Variants in GFOD1 observed in about 807,000 individuals in gnomAD.
GFOD1 encodes glucose-fructose oxidoreductase domain-containing protein 1.
GFOD1 carries 9 observed loss-of-function variants against 25.4 expected under a neutral mutation model. The ratio of observed to expected loss-of-function variants is 0.35; its 90% CI spans 0.21 to 0.62. The LOEUF is 0.62. Ranked by LOEUF, GFOD1 falls within the 20% of genes least tolerant of loss-of-function variation. GFOD1 has a pLI of 0.72. For synonymous variants in GFOD1, 253 were observed against 245.6 expected (o/e 1.03, Z -0.28); for missense variants, 403 against 556.9 (o/e 0.72, Z 2.78).
chr6:13,364,486 G>A lies in GFOD1; in HGVS notation c.*257C>T, dbSNP rs1372690666. The A allele has an allele frequency of 9.7e-6, 5 of 516,538 alleles. No individual in the cohort carries two copies. The highest frequency in any genetic ancestry group is 1.7e-5 in the Non-Finnish European group (5 of 288,702). 32.0% of individuals were successfully genotyped at this position (516,538 alleles called of 1,614,324 possible). A position where few individuals can be genotyped will look rare whatever the true frequency, so the allele number is the denominator to read the frequency against. Reference sequence around the variant, plus strand: ...GGCAGCTAAACCAAACCACTCTCGTGCAAATACCCAGCAGGGATCATCCCA... The same window carrying A: ...GGCAGCTAAACCAAACCACTCTCGTACAAATACCCAGCAGGGATCATCCCA... On this transcript the variant is annotated 3_prime_UTR_variant, in exon 2 of 2. Coordinates refer to ENST00000379287, the MANE Select transcript of GFOD1 (RefSeq NM_018988.4). This position sits in a 1 kb window ranked among gnomAD's most constrained non-coding sequence, Gnocchi z 4.1.
chr6:13,445,675 A>T (rs777745343), intron 1 of GFOD1, among the ~76,000 whole-genome samples: 30 of 152,358 alleles, frequency 2.0e-4, no homozygotes, highest in Non-Finnish European at 3.4e-4. Flanking sequence ...AAGAAAGGCA[A>T]CATTTTTTCC....
intron 1 of GFOD1, among the ~76,000 whole-genome samples, chr6:13,460,707 C>T (rs1758276182): frequency 6.6e-6 from 1 of 152,146 alleles, no homozygotes; most frequent in Admixed American, 6.5e-5. Context: ...ATATCTAATG[C>T]ATGCAAGATA....
At chr6:13,391,958 G>A (rs564665824) in intron 1 of GFOD1, among the ~76,000 whole-genome samples, 12 of 152,326 alleles carry the variant, frequency 7.9e-5, no homozygotes, top group Admixed American at 3.3e-4. Flanking sequence ...GACAGTTGGT[G>A]AACAGGCCTG....
At chr6:13,399,392 A>G (rs1280295216) in intron 1 of GFOD1, among the ~76,000 whole-genome samples, 1 of 152,176 alleles carries the variant, frequency 6.6e-6, no homozygotes, top group Admixed American at 6.5e-5. Flanking sequence ...CCAAAGAGAA[A>G]TGAAAACATA....
chr6:13,420,545 G>A (rs1298303553), intron 1 of GFOD1, among the ~76,000 whole-genome samples: 1 of 152,154 alleles, frequency 6.6e-6, no homozygotes, highest in African/African-American at 2.4e-5. Flanking sequence ...GGATCCCAGA[G>A]CCCTCCTGAA....
chr6:13,486,257 C>CACA (rs1554207084), intron 1 of GFOD1: 22 of 277,532 alleles, frequency 7.9e-5, no homozygotes, highest in African/African-American at 5.3e-4. Context: ...TCCCCCCCCC[C>CACA]CACACACACA....
intron 1 of GFOD1, among the ~76,000 whole-genome samples, chr6:13,450,636 C>A (rs966194011): frequency 6.6e-6 from 1 of 152,128 alleles, no homozygotes; most frequent in African/African-American, 2.4e-5. Flanking sequence ...TGTTGTCAAC[C>A]AGGGAAGTTC....
intron 1 of GFOD1, among the ~76,000 whole-genome samples, chr6:13,455,634 C>A (rs1562224352): frequency 6.6e-6 from 1 of 152,192 alleles, no homozygotes; most frequent in Non-Finnish European, 1.5e-5. Flanking sequence ...CATGGGCCAA[C>A]TTTCTGTGTG....
intron 1 of GFOD1, among the ~76,000 whole-genome samples, chr6:13,369,049 C>T (rs534220236): frequency 1.3e-5 from 2 of 152,212 alleles, no homozygotes; most frequent in South Asian, 4.1e-4. Flanking sequence ...ACTTTTGCAC[C>T]AACCTAATAT....
intron 1 of GFOD1, among the ~76,000 whole-genome samples, chr6:13,450,936 C>T (rs1328300064): frequency 6.6e-6 from 1 of 152,208 alleles, no homozygotes; most frequent in Non-Finnish European, 1.5e-5. Flanking sequence ...ATGAATAAAT[C>T]AAGACTCCGG....
At chr6:13,443,205 A>G (rs1190938578) in intron 1 of GFOD1, among the ~76,000 whole-genome samples, 1 of 152,210 alleles carries the variant, frequency 6.6e-6, no homozygotes, top group East Asian at 1.9e-4. Flanking sequence ...ATGTGACTGA[A>G]TTGCTGCAAT....
intron 1 of GFOD1, chr6:13,469,199 C>T (rs1255305928): frequency 1.0e-6 from 1 of 980,232 alleles, no homozygotes. Context: ...TAAAGAATCC[C>T]TGTTGGTAAC....
chr6:13,474,371 C>T (rs1758571480), intron 1 of GFOD1, among the ~76,000 whole-genome samples: 1 of 152,156 alleles, frequency 6.6e-6, no homozygotes, highest in African/African-American at 2.4e-5. Context: ...AAGAGCAAAA[C>T]TCCGTCTTGG....
chr6:13,394,463 T>C (rs1053125248), intron 1 of GFOD1, among the ~76,000 whole-genome samples: 6 of 134,974 alleles, frequency 4.4e-5, no homozygotes, highest in African/African-American at 1.6e-4. Flanking sequence ...TTGTACCCTT[T>C]GAATTTTTTT....
At chr6:13,379,375 C>A (rs1785314929) in intron 1 of GFOD1, among the ~76,000 whole-genome samples, 1 of 152,186 alleles carries the variant, frequency 6.6e-6, no homozygotes, top group African/African-American at 2.4e-5. Context: ...CATGGGCACA[C>A]AGCCAGGCTT....
At chr6:13,478,855 C>T (rs1251485479) in intron 1 of GFOD1, among the ~76,000 whole-genome samples, 1 of 152,162 alleles carries the variant, frequency 6.6e-6, no homozygotes, top group African/African-American at 2.4e-5. Flanking sequence ...CAGGTATCTA[C>T]TAAAGCCCTG....
At chr6:13,450,677 G>T (rs763686410) in intron 1 of GFOD1, among the ~76,000 whole-genome samples, 10 of 152,160 alleles carry the variant, frequency 6.6e-5, no homozygotes, top group Non-Finnish European at 1.2e-4. Flanking sequence ...GGACCTTATC[G>T]TGGGGCTGCT....
intron 1 of GFOD1, among the ~76,000 whole-genome samples, chr6:13,477,724 T>G (rs867102682): frequency 6.6e-6 from 1 of 151,998 alleles, no homozygotes; most frequent in Non-Finnish European, 1.5e-5. Flanking sequence ...ATGGTTATTA[T>G]CAAAACAGTG....
intron 1 of GFOD1, among the ~76,000 whole-genome samples, chr6:13,389,184 C>G (rs953709421): frequency 6.6e-6 from 1 of 152,178 alleles, no homozygotes; most frequent in South Asian, 2.1e-4. Context: ...ATTAGTTTAA[C>G]CATTGTGGAA....
Sources: allele counts gnomAD v4.1 joint callset (sites outside exome capture counted in the v4.1 genomes callset), GRCh38; gene constraint gnomAD v4.1.1; non-coding constraint Gnocchi (gnomAD v3.1); transcripts MANE v1.5; gene names NCBI Gene and HGNC (gene_info 2026-07-23, HGNC 2026-07-21).